Variants in PSMD6 observed in about 807,000 individuals in gnomAD.
PSMD6 encodes 26S proteasome non-ATPase regulatory subunit 6.
PSMD6 carries 7 observed loss-of-function variants against 44.9 expected under a neutral mutation model. The ratio of observed to expected loss-of-function variants is 0.16; its 90% CI spans 0.09 to 0.29. The LOEUF (loss-of-function observed/expected upper bound fraction) is 0.29. Among genes scored for constraint, PSMD6 ranks in the 10% least tolerant of loss-of-function variants. The pLI, the probability that PSMD6 is intolerant of heterozygous loss-of-function variation, is 1.00. For missense variants in PSMD6, 420 were observed against 482.6 expected (o/e 0.87, Z 1.21); for synonymous variants, 184 against 172.7 (o/e 1.07, Z -0.51).
Position 64,020,566 on chromosome 3 carries a change from A to G in PSMD6, c.352-1125T>C, listed in dbSNP as rs79066017. ...CTTAAAAGTAAATGGAAACCACTAG[A>G]TAATTCTAAACTTTTCTGTATTTTC... is the stretch of plus-strand genomic sequence containing the variant. On this transcript the variant is annotated intron_variant, in intron 2 of 7. Coordinates refer to ENST00000295901, the MANE Select transcript of PSMD6 (RefSeq NM_014814.3). Among the ~76,000 whole-genome samples, 311 of 152,328 alleles carry G rather than the reference A, an allele frequency of 2.0e-3. 3 individuals carry two copies. The highest frequency in any genetic ancestry group is 7.2e-3 in the African/African-American group (299 of 41,570).
chr3:64,020,955 A>G (rs890345918), intron 2 of PSMD6, among the ~76,000 whole-genome samples: 3 of 152,200 alleles, frequency 2.0e-5, no homozygotes, highest in Non-Finnish European at 4.4e-5. Flanking sequence ...AACCACTATT[A>G]CACAGTTACT....
Position 64,023,473 on chromosome 3 carries a change from G to C in PSMD6, c.-54C>G. On this transcript the variant is annotated 5_prime_UTR_variant, in exon 1 of 8. Transcript: ENST00000295901. ...ACACAACTTGGTTACGACCGGCTGC[G>C]GCAGCGGAAGCGGGAGGAGTCGGCG... 6 of 1,503,690 alleles carry C rather than the reference G, an allele frequency of 4.0e-6. No homozygotes were observed. The highest frequency in any genetic ancestry group is 1.3e-5 in the South Asian group (1 of 79,348). The allele number at this position is 1,503,690 out of a possible 1,614,324, so 93.1% of individuals were successfully genotyped here. A position where few individuals can be genotyped will look rare whatever the true frequency, so the allele number is the denominator to read the frequency against.
intron 5 of PSMD6, 130 bp downstream of exon 5, chr3:64,018,469 C>T: frequency 4.5e-6 from 3 of 669,862 alleles, no homozygotes; most frequent in East Asian, 2.8e-5. Context: ...ATTAGGAATA[C>T]TGATCAAAGA....
intron 2 of PSMD6, among the ~76,000 whole-genome samples, chr3:64,021,076 G>GA (rs879386896): frequency 5.8e-4 from 83 of 142,770 alleles, no homozygotes; most frequent in Admixed American, 1.1e-3. Context: ...AAAAAAAGAA[G>GA]AAAAAAAAAA....
At chr3:64,023,925 G>A (rs2076176319), upstream of PSMD6, 2 of 1,127,342 alleles carry the variant, frequency 1.8e-6, no homozygotes, top group Admixed American at 4.5e-5. Context: ...TAGGGAAACA[G>A]ACCAACCAAG....
intron 5 of PSMD6, chr3:64,016,369 T>C (rs1004149921): frequency 2.0e-5 from 3 of 151,984 alleles, no homozygotes; most frequent in African/African-American, 7.3e-5. Flanking sequence ...AGGTACTACC[T>C]AGAAAAGGAT....
intron 2 of PSMD6, chr3:64,019,971 G>T (rs1402039081): frequency 6.6e-6 from 1 of 152,282 alleles, no homozygotes; most frequent in Non-Finnish European, 1.5e-5. Context: ...GTAATTATTA[G>T]TTATATTTCA....
intron 6 of PSMD6, chr3:64,012,878 T>G: frequency 6.6e-6 from 1 of 152,376 alleles, no homozygotes; most frequent in Non-Finnish European, 1.5e-5. Flanking sequence ...ACGTTTTATA[T>G]TTATTTGCTT....
chr3:64,018,625 C>T lies in PSMD6; in HGVS notation c.800G>A (p.Arg267His), dbSNP rs187544239. The T allele has an allele frequency of 3.1e-4, 491 of 1,582,972 alleles. No individual in the cohort carries two copies. The highest frequency in any genetic ancestry group is 8.3e-4 in the Admixed American group (50 of 59,888). ...RQYLFSLYEC[R>H]YSVFFQSLAV... ...TAATGATTGGAAGAAAACAGAGTAA[C>T]GGCATTCATAGAGTGAAAACAGATA... Residue 267 changes from arginine (R) to histidine (H), a missense_variant, in exon 5 of 8, where the codon CGT becomes CAT. Around this residue, in one of 4 missense-constraint regions of PSMD6, gnomAD observed 216 missense variants for 227.0 expected, o/e 0.95. Coordinates refer to ENST00000295901, the MANE Select transcript of PSMD6 (RefSeq NM_014814.3).
intron 2 of PSMD6, among the ~76,000 whole-genome samples, chr3:64,021,173 T>C (rs900026607): frequency 3.9e-5 from 6 of 152,152 alleles, no homozygotes; most frequent in Non-Finnish European, 7.3e-5. Context: ...CATAAGCATA[T>C]TTTTACAGCA....
intron 2 of PSMD6, 150 bp from the exon 3 acceptor site, chr3:64,019,591 G>A (rs2076098612): frequency 1.4e-6 from 1 of 740,560 alleles, no homozygotes; most frequent in African/African-American, 1.8e-5. Context: ...GTTGAAGCTG[G>A]GTGATAAGTA....
At chr3:64,018,731 T>C (rs1431912433) in intron 4 of PSMD6, 24 bp from the exon 5 acceptor site, 4 of 1,506,786 alleles carry the variant, frequency 2.7e-6, no homozygotes, top group Non-Finnish European at 3.6e-6. Context: ...AAAACATATA[T>C]ACAAAAAAAA....
intron 5 of PSMD6, chr3:64,016,553 A>T (rs907931862): frequency 7.4e-6 from 1 of 135,026 alleles, no homozygotes; most frequent in Admixed American, 7.1e-5. Context: ...AAGTTTTAGC[A>T]ATTGGGGCAC....
intron 5 of PSMD6, chr3:64,013,842 C>T (rs2076001851): frequency 1.4e-5 from 5 of 359,732 alleles, no homozygotes; most frequent in Non-Finnish European, 2.5e-5. Flanking sequence ...ACTATCAGAG[C>T]TCAGCTTCTA....
intron 6 of PSMD6, 42 bp from the exon 7 acceptor site, chr3:64,010,997 A>G (rs776751492): frequency 1.3e-5 from 20 of 1,483,414 alleles, no homozygotes; most frequent in Admixed American, 6.4e-5. Context: ...CTTTATAGAA[A>G]ATTCTTAGAA....
chr3:64,011,299 A>ATGGAACACAGCCCATCAGTAAACATGT (rs2106836619), intron 6 of PSMD6: 1 of 180,294 alleles, frequency 5.5e-6, no homozygotes, highest in East Asian at 1.5e-4. Context: ...AAACAAAATT[A>ATGGAACACAGCCCATCAGTAAACATGT]TGGAACACAG....
intron 2 of PSMD6, among the ~76,000 whole-genome samples, chr3:64,021,070 A>G (rs1559678337): frequency 6.6e-6 from 1 of 152,206 alleles, no homozygotes; most frequent in Non-Finnish European, 1.5e-5. Context: ...TATTTAAAAA[A>G]AAGAAGAAAA....
chr3:64,018,580 A>G lies in PSMD6; in HGVS notation c.826+19T>C, dbSNP rs2076083439. 1.3e-6 allele frequency: 2 copies of G among 1,496,234 alleles called. No homozygotes were observed. The highest frequency in any genetic ancestry group is 1.8e-6 in the Non-Finnish European group (2 of 1,084,850). 92.7% of individuals were successfully genotyped at this position (1,496,234 alleles called of 1,614,324 possible). A position where few individuals can be genotyped will look rare whatever the true frequency, so the allele number is the denominator to read the frequency against. On this transcript the variant is annotated intron_variant, in intron 5 of 7. Transcript: ENST00000295901. ...GTAAGATGAAGACAGATAATCAAAAATATCAACCCTATCCTTACCTAATGA... is the reference window on the plus strand; with the variant it reads ...GTAAGATGAAGACAGATAATCAAAAGTATCAACCCTATCCTTACCTAATGA...
At chr3:64,017,320 A>AG (rs1290859632) in intron 5 of PSMD6, 3 of 152,166 alleles carry the variant, frequency 2.0e-5, no homozygotes, top group African/African-American at 7.2e-5. Context: ...TTTTTAAAGG[A>AG]GGGGGCATAC....
Sources: gnomAD v4.1 joint callset for allele counts (sites outside exome capture counted in the v4.1 genomes callset) on GRCh38, gnomAD v4.1.1 for gene constraint, gnomAD v4.1.1 regional missense constraint, MANE v1.5 for transcripts, NCBI Gene and HGNC (gene_info 2026-07-23, HGNC 2026-07-21) for gene names.